Variants in BLM observed in about 807,000 individuals in gnomAD.
BLM encodes BLM RecQ like helicase, also known as recQ-like DNA helicase BLM.
Under a neutral mutation model 135.3 loss-of-function variants are expected in BLM, and 95 were observed. The ratio of observed to expected loss-of-function variants is 0.70; its 90% confidence interval spans 0.59 to 0.83. The LOEUF (loss-of-function observed/expected upper bound fraction) is 0.83, where lower values mean the gene tolerates loss of function less well. Among genes scored for constraint, BLM ranks in the 40% least tolerant of loss-of-function variants. The probability of loss-of-function intolerance (pLI) is 0.00; values close to 1 mark genes in which losing one functional copy is unlikely to be tolerated. For synonymous variants in BLM, 520 were observed against 589.2 expected (o/e 0.88, Z 1.70); for missense variants, 1,518 against 1,663.9 (o/e 0.91, Z 1.53).
At chr15:90,721,707 C>G (rs58412245) in intron 1 of BLM, among the ~76,000 whole-genome samples, 1 of 150,872 alleles carries the variant, frequency 6.6e-6, no homozygotes, top group East Asian at 2.0e-4. Context: ...CCTAGGTGGG[C>G]GGATCATGAG....
At chr15:90,813,973 A>AG (rs1300249291) in intron 21 of BLM, among the ~76,000 whole-genome samples, 2 of 152,170 alleles carry the variant, frequency 1.3e-5, no homozygotes, top group Admixed American at 1.3e-4. Context: ...GGTGAAATGG[A>AG]GGCTGCTGTT....
Position 90,761,217 on chromosome 15 carries a change from A to G in BLM, c.1844A>G (p.Gln615Arg), listed in dbSNP as rs1895978967. The change falls in exon 7 of 22, where the codon CAA (glutamine) becomes CGA (arginine). Residue 615 changes from glutamine (Q) to arginine (R), a missense_variant. Gln to Arg is a conservative substitution (Grantham distance 43). Transcript: ENST00000355112. ...TDCLPVSSTA[Q>R]NINFSESIQN... ...TGTCTTCCAGTGTCATCTACTGCTC[A>G]AAATATAAACTTCTCAGAGTCAATT... 6.5e-7 allele frequency: 1 copy of G among 1,533,922 alleles called. No homozygotes were observed. The highest frequency in any genetic ancestry group is 8.7e-7 in the Non-Finnish European group (1 of 1,144,996).
chr15:90,769,718 CCCGA>C (rs1896252826), intron 12 of BLM, 132 bp downstream of exon 12: 1 of 1,066,422 alleles, frequency 9.4e-7, no homozygotes, highest in Non-Finnish European at 1.3e-6. Flanking sequence ...CAAGTTGTAA[CCCGA>C]TGGCAGCTAA....
chr15:90,728,422 G>T (rs562457869), intron 1 of BLM, among the ~76,000 whole-genome samples: 19 of 151,918 alleles, frequency 1.3e-4, no homozygotes, highest in African/African-American at 4.6e-4. Context: ...TTTGAGACAG[G>T]GTCTCACTCT....
At position 90,722,554 on chromosome 15, in the gene BLM, T is replaced by C. The variant is rs181518278; in HGVS notation, c.-5+5114T>C. Among the ~76,000 whole-genome samples the C allele has an allele frequency of 9.2e-5, 14 of 151,924 alleles. No homozygotes were observed. In the East Asian group the frequency reaches 2.8e-3, roughly 30 times the overall value. ...GTGAGCCTAGATCAGGATCACGCCA[T>C]TGCACTCCAGCCTGGGCAACAGAAT... On this transcript the variant is annotated intron_variant, in intron 1 of 21. Coordinates refer to ENST00000355112, the MANE Select transcript of BLM (RefSeq NM_000057.4).
Position 90,794,191 on chromosome 15 carries a change from C to G in BLM, c.3044C>G (p.Thr1015Arg), listed in dbSNP as rs202196488. 2 of 1,604,652 alleles carry G rather than the reference C, an allele frequency of 1.2e-6. No individual in the cohort carries two copies. Among genetic ancestry groups the G allele is most frequent in the Admixed American group, 1.7e-5 (1 of 59,498 alleles). Residue 1015 changes from threonine to arginine, a missense_variant, in exon 16 of 22, where the codon ACA becomes AGA. Thr to Arg is a moderately conservative substitution (Grantham distance 71, BLOSUM62 -1). Around this residue, in one of 5 missense-constraint regions of BLM, gnomAD observed 626 missense variants for 681.1 expected, o/e 0.92. Coordinates refer to ENST00000355112, the MANE Select transcript of BLM (RefSeq NM_000057.4). ...IMMEKDGNHH[T>R]RETHFNNLYS... ...GTGGAAAAAGATGGAAACCATCATA[C>G]AAGAGAAACTCACTTCAATAATTTG...
At chr15:90,725,402 T>C (rs1284328955) in intron 1 of BLM, among the ~76,000 whole-genome samples, 2 of 152,214 alleles carry the variant, frequency 1.3e-5, no homozygotes, top group African/African-American at 4.8e-5. Flanking sequence ...TATATTCATG[T>C]ATAGTAGTAT....
chr15:90,779,561 A>C (rs762957413), intron 12 of BLM, among the ~76,000 whole-genome samples: 28 of 152,178 alleles, frequency 1.8e-4, no homozygotes, highest in African/African-American at 6.5e-4. Context: ...AATCTGCTAC[A>C]CATTCTGCCT....
At chr15:90,780,171 G>A (rs1200322488) in intron 12 of BLM, among the ~76,000 whole-genome samples, 1 of 148,876 alleles carries the variant, frequency 6.7e-6, no homozygotes, top group African/African-American at 2.5e-5. Flanking sequence ...TGCAACCTCC[G>A]CCTCTCAGGT....
chr15:90,754,862 A>G lies in BLM; in HGVS notation c.1011A>G (p.Thr337=), dbSNP rs773511833. The G allele has an allele frequency of 6.2e-7, 1 of 1,614,020 alleles. No individual in the cohort carries two copies. The highest frequency in any genetic ancestry group is 8.5e-7 in the Non-Finnish European group (1 of 1,179,948). ...TSDRKEDVLS[T]SKDLLSKPEK... The stretch of plus-strand genomic sequence containing the variant: ...ACAGAAAAGAGGATGTTCTTAGCAC[A>G]TCAAAAGATCTTTTGTCAAAACCTG... Residue 337 remains threonine, a synonymous_variant, in exon 5 of 22, where the codon ACA becomes ACG. Coordinates refer to ENST00000355112, the MANE Select transcript of BLM (RefSeq NM_000057.4).
intron 1 of BLM, among the ~76,000 whole-genome samples, chr15:90,721,994 G>T (rs1481116804): frequency 6.7e-6 from 1 of 149,644 alleles, no homozygotes; most frequent in African/African-American, 2.5e-5. Context: ...ACATAATTTC[G>T]CTGGAAACCA....
intron 13 of BLM, 87 bp from the exon 14 acceptor site, chr15:90,784,834 T>C (rs908350245): frequency 7.2e-7 from 1 of 1,384,368 alleles, no homozygotes; most frequent in Non-Finnish European, 1.0e-6. Context: ...CTATTTATGG[T>C]TCATATATTT....
rs561703064 is a variant in BLM, at chr15:90,794,393, A to T, written c.3210+36A>T. ...AAGTTTTAAAATTCTTTATAATTAAATTTTTTTTCTCTTACTTTAAAAATG... is the reference window on the plus strand; with the variant it reads ...AAGTTTTAAAATTCTTTATAATTAATTTTTTTTTCTCTTACTTTAAAAATG... On this transcript the variant is annotated intron_variant, in intron 16 of 21. Coordinates refer to ENST00000355112, the MANE Select transcript of BLM (RefSeq NM_000057.4). 4.2e-6 allele frequency: 6 copies of T among 1,436,588 alleles called. No individual in the cohort carries two copies. The African/African-American group carries it at 4.3e-5, about 10-fold the overall frequency. 89.0% of individuals were successfully genotyped at this position (1,436,588 alleles called of 1,614,324 possible).
intron 4 of BLM, among the ~76,000 whole-genome samples, chr15:90,754,252 AGACT>A (rs1189901975): frequency 1.3e-5 from 2 of 152,204 alleles, no homozygotes; most frequent in African/African-American, 4.8e-5. Flanking sequence ...CTATGTAATC[AGACT>A]GACCAGGTTT....
chr15:90,737,172 T>G (rs1307544721), intron 1 of BLM, among the ~76,000 whole-genome samples: 1 of 147,418 alleles, frequency 6.8e-6, no homozygotes, highest in Non-Finnish European at 1.5e-5. Context: ...TGAACTCTTC[T>G]TAGTAGGTTT....
At chr15:90,764,679 T>C (rs1450833940) in intron 8 of BLM, among the ~76,000 whole-genome samples, 1 of 152,166 alleles carries the variant, frequency 6.6e-6, no homozygotes, top group Non-Finnish European at 1.5e-5. Flanking sequence ...TTAATCCTAG[T>C]GTCATTTTTA....
At chr15:90,795,337 G>A (rs895293829) in intron 16 of BLM, among the ~76,000 whole-genome samples, 8 of 152,222 alleles carry the variant, frequency 5.3e-5, no homozygotes, top group South Asian at 4.1e-4. Flanking sequence ...AAAATTGGTC[G>A]GCTGTGGTGG....
intron 17 of BLM, among the ~76,000 whole-genome samples, chr15:90,802,231 G>A (rs1203746568): frequency 6.6e-6 from 1 of 152,192 alleles, no homozygotes; most frequent in Non-Finnish European, 1.5e-5. Context: ...ATGGCCAGAA[G>A]CCATTTGAAA....
Position 90,760,611 on chromosome 15 carries a change from A to T in BLM, c.1238A>T (p.Glu413Val), listed in dbSNP as rs1215111361. Residue 413 changes from glutamate to valine, a missense_variant, in exon 7 of 22, where the codon GAA (glutamate) becomes GTA (valine). Physicochemically the swap from Glu to Val is moderately radical, Grantham distance 121 (BLOSUM62 -2). Around this residue, in one of 5 missense-constraint regions of BLM, gnomAD observed 724 missense variants for 756.9 expected, o/e 0.96. Coordinates refer to ENST00000355112, the MANE Select transcript of BLM (RefSeq NM_000057.4). ...QRNIRRKLLT[E>V]VDFNKSDASL... Reference sequence around the variant, plus strand: ...CTCTTCAGAAGGAAACTTCTAACGGAAGTAGATTTTAATAAAAGTGATGCC... The same window carrying T: ...CTCTTCAGAAGGAAACTTCTAACGGTAGTAGATTTTAATAAAAGTGATGCC... 4 of 1,611,620 alleles carry T rather than the reference A, an allele frequency of 2.5e-6. No homozygotes were observed. Among genetic ancestry groups the T allele is most frequent in the Admixed American group, 1.7e-5 (1 of 59,910 alleles).
Sources: gnomAD v4.1 joint callset for allele counts (sites outside exome capture counted in the v4.1 genomes callset) on GRCh38, gnomAD v4.1.1 for gene constraint, gnomAD v4.1.1 regional missense constraint, MANE v1.5 for transcripts, NCBI Gene and HGNC (gene_info 2026-07-23, HGNC 2026-07-21) for gene names.